MCF2: variants seen among roughly 807,000 people sequenced by gnomAD.
MCF2 encodes proto-oncogene DBL.
MCF2 carries 44 observed loss-of-function variants against 82.5 expected under a neutral mutation model. The observed-to-expected ratio is 0.53, with a 90% confidence interval of 0.42 to 0.69. The LOEUF (loss-of-function observed/expected upper bound fraction) is 0.69. Ranked by LOEUF, MCF2 falls within the 30% of genes least tolerant of loss-of-function variation. The pLI is 0.00. For missense variants in MCF2, 623 were observed against 663.1 expected (o/e 0.94, Z 0.66); for synonymous variants, 217 against 224.9 (o/e 0.96, Z 0.32).
chrX:139,698,285 A>G (rs894714408), intron 1 of MCF2, among the ~76,000 whole-genome samples: 1 of 113,087 alleles, frequency 8.8e-6, no homozygotes, highest in African/African-American at 3.2e-5. Flanking sequence ...TGCTTTGAGT[A>G]CTTGCTCAAA....
At chrX:139,663,565 T>G (rs1934415397) in intron 1 of MCF2, among the ~76,000 whole-genome samples, 1 of 108,786 alleles carries the variant, frequency 9.2e-6, no homozygotes, top group South Asian at 3.9e-4. Context: ...CAATAGCCAA[T>G]AGTTTGCTTT....
chrX:139,660,330 A>G (rs1317753346), intron 1 of MCF2, among the ~76,000 whole-genome samples: 1 of 112,404 alleles, frequency 8.9e-6, no homozygotes. Context: ...GAATGTTTAT[A>G]AACAATCTTT....
intron 4 of MCF2, among the ~76,000 whole-genome samples, chrX:139,627,718 CA>C (rs1932796785): frequency 8.9e-6 from 1 of 111,876 alleles, no homozygotes; most frequent in Non-Finnish European, 1.9e-5. Context: ...TGCCTCATTT[CA>C]TCTTCACAGC....
chrX:139,629,620 T>C (rs1932855157), intron 4 of MCF2, 75 bp downstream of exon 7: 1 of 967,081 alleles, frequency 1.0e-6, no homozygotes. Context: ...ACAGTCAGTG[T>C]AAAATGGAGA....
chrX:139,620,335 C>A (rs1932259924), intron 6 of MCF2, among the ~76,000 whole-genome samples: 1 of 110,795 alleles, frequency 9.0e-6, no homozygotes, highest in Non-Finnish European at 1.9e-5. Context: ...GTCACAAGGA[C>A]ACAGCAGCAG....
At chrX:139,698,923 T>C (rs907420475) in intron 1 of MCF2, among the ~76,000 whole-genome samples, 1 of 111,493 alleles carries the variant, frequency 9.0e-6, no homozygotes, top group Admixed American at 9.6e-5. Context: ...TGTAAGCACT[T>C]TTTCTTCTGT....
chrX:139,646,870 G>A (rs1397448430), upstream of MCF2: 26 of 1,182,744 alleles, frequency 2.2e-5, no homozygotes, highest in Non-Finnish European at 3.0e-5. Context: ...TTCTGGAAAC[G>A]TAATGATCCA....
intron 1 of MCF2, among the ~76,000 whole-genome samples, chrX:139,690,342 T>TTC (rs2148575111): frequency 9.7e-6 from 1 of 103,313 alleles, no homozygotes; most frequent in South Asian, 4.6e-4. Context: ...AAAGGAGTTT[T>TTC]TTTTTTTTTT....
chrX:139,703,584 A>C (rs941578901), intron 1 of MCF2, among the ~76,000 whole-genome samples: 2 of 111,329 alleles, frequency 1.8e-5, no homozygotes, highest in Non-Finnish European at 3.8e-5. Flanking sequence ...AAAATACAAA[A>C]ATTAGCTGGG....
intron 6 of MCF2, among the ~76,000 whole-genome samples, chrX:139,622,681 T>C (rs1425376356): frequency 2.0e-5 from 2 of 101,988 alleles, no homozygotes; most frequent in Admixed American, 1.1e-4. Flanking sequence ...AATTGAACAA[T>C]GAGAACACAT....
Position 139,658,267 on chromosome X carries a change from A to G in MCF2, c.-44-6479T>C, listed in dbSNP as rs751291916. ...CATCTTCAATGTCCAAGAGTCCTCTATAAGAAGGAAGAGATTGGGGACTTA... is the reference window on the plus strand; with the variant it reads ...CATCTTCAATGTCCAAGAGTCCTCTGTAAGAAGGAAGAGATTGGGGACTTA... On this transcript the variant is annotated intron_variant, in intron 1 of 27. Coordinates refer to the MCF2 transcript ENST00000414978. 9.1e-4 allele frequency among the ~76,000 whole-genome samples: 102 copies of G among 111,554 alleles called. 1 individual carries two copies. The highest frequency in any genetic ancestry group is 4.7e-4 in the Admixed American group (5 of 10,541).
intron 2 of MCF2, among the ~76,000 whole-genome samples, chrX:139,651,043 C>T (rs912511668): frequency 9.1e-6 from 1 of 109,956 alleles, no homozygotes; most frequent in Non-Finnish European, 1.9e-5. Context: ...AGGAATGAAA[C>T]GGGGAGTAAT....
At chrX:139,641,011 TC>T (rs1408637778) in intron 1 of MCF2, among the ~76,000 whole-genome samples, 1 of 110,312 alleles carries the variant, frequency 9.1e-6, no homozygotes, top group African/African-American at 3.3e-5. Context: ...GATTGAGAGT[TC>T]CTTCAGCCCA....
At position 139,635,573 on chromosome X, in the gene MCF2, C is replaced by G. The variant is rs751473141; in HGVS notation, c.52-3119G>C. On this transcript the variant is annotated intron_variant, in intron 1 of 24. Coordinates refer to ENST00000370576, the Ensembl canonical transcript of MCF2. ...TGGGGAGGCTGAAGCATGAGAATCA[C>G]TTGAACCCAGGAGGTGGAGGCTGTG... is the stretch of plus-strand genomic sequence containing the variant. Among the ~76,000 whole-genome samples the G allele has an allele frequency of 1.4e-4, 15 of 110,564 alleles. No homozygotes were observed. In the East Asian group the frequency reaches 4.3e-3, roughly 32 times the overall value.
chrX:139,616,352 A>T lies in MCF2; in HGVS notation c.1121T>A (p.Leu374Gln), dbSNP rs780121137. The T allele has an allele frequency of 2.7e-5, 32 of 1,182,379 alleles. No individual in the cohort carries two copies. The Admixed American group carries it at 7.1e-4, about 26-fold the overall frequency. Reference sequence around the variant, plus strand: ...TTCAGGTTCATAATTTATAAAGGGTAGAGCCATTTCAAGAAAATTTTCAAT... The same window carrying T: ...TTCAGGTTCATAATTTATAAAGGGTTGAGCCATTTCAAGAAAATTTTCAAT... The change falls in exon 9 of 25, where the codon CTA becomes CAA. Residue 374 changes from leucine (L) to glutamine (Q), a missense_variant. By Grantham distance (113) the Leu-to-Gln change is moderately radical (BLOSUM62 -2). Transcript: ENST00000370576.
At chrX:139,653,006 C>T (rs73577541) in intron 1 of MCF2, among the ~76,000 whole-genome samples, 3,297 of 111,592 alleles carry the variant, frequency 0.03, 114 homozygotes, top group African/African-American at 0.1. Context: ...AAGATACATG[C>T]CATTACAAAT....
intron 15 of MCF2, among the ~76,000 whole-genome samples, chrX:139,603,308 C>T (rs913079691): frequency 1.8e-5 from 2 of 112,301 alleles, no homozygotes; most frequent in African/African-American, 6.5e-5. Context: ...AAGAACGCTG[C>T]TAACCCAATG....
chrX:139,648,379 C>A (rs976672797), intron 2 of MCF2, among the ~76,000 whole-genome samples: 2 of 109,292 alleles, frequency 1.8e-5, no homozygotes, highest in African/African-American at 6.7e-5. Flanking sequence ...CTCTCCACGC[C>A]CCCCCCAAAA....
intron 1 of MCF2, among the ~76,000 whole-genome samples, chrX:139,653,878 A>AGT (rs1480400657): frequency 7.2e-5 from 8 of 110,544 alleles, no homozygotes; most frequent in Admixed American, 4.9e-4. Context: ...CTCACATATT[A>AGT]GTGAGAACAA....
Sources: gnomAD v4.1 joint callset for allele counts (sites outside exome capture counted in the v4.1 genomes callset) on GRCh38, gnomAD v4.1.1 for gene constraint, MANE v1.5 for transcripts, NCBI Gene and HGNC (gene_info 2026-07-23, HGNC 2026-07-21) for gene names.